FTO: variants seen among roughly 807,000 people sequenced by gnomAD.
FTO encodes the protein alpha-ketoglutarate-dependent dioxygenase FTO.
A neutral mutation model predicts 63.9 loss-of-function variants in FTO; 47 were observed. The observed-to-expected ratio is 0.74, with a 90% CI of 0.58 to 0.94. The LOEUF (loss-of-function observed/expected upper bound fraction) is 0.94, where lower values mean the gene tolerates loss of function less well. Among genes scored for constraint, FTO ranks in the 40% least tolerant of loss-of-function variants. FTO has a pLI of 0.00. For missense variants in FTO, 562 were observed against 618.1 expected, an observed-to-expected ratio of 0.91 and a Z score of 0.96; for synonymous variants, 207 against 224.4, an observed-to-expected ratio of 0.92 and a Z score of 0.69.
intron 1 of FTO, among the ~76,000 whole-genome samples, chr16:53,726,689 G>T (rs2076160206): frequency 6.6e-6 from 1 of 152,194 alleles, no homozygotes; most frequent in South Asian, 2.1e-4. Flanking sequence ...TGGACAGAAT[G>T]AGAACATTTT....
Position 53,787,395 on chromosome 16 carries a change from C to T in FTO, c.46-22745C>T, listed in dbSNP as rs12597786. On this transcript the variant is annotated intron_variant, in intron 1 of 8. Coordinates refer to ENST00000471389, the MANE Select transcript of FTO (RefSeq NM_001080432.3). ...TGATTTCGGTAGTCATAACACCACCCTGGAAGGCACCCTAGATAGAGGTCA... is the reference window on the plus strand; with the variant it reads ...TGATTTCGGTAGTCATAACACCACCTTGGAAGGCACCCTAGATAGAGGTCA... Among the ~76,000 whole-genome samples the T allele has an allele frequency of 0.037, 5,608 of 151,358 alleles. 485 individuals are homozygous for T. The East Asian group carries it at 0.4, about 11-fold the overall frequency.
At chr16:53,976,547 A>G (rs1306802095) in intron 8 of FTO, among the ~76,000 whole-genome samples, 2 of 152,068 alleles carry the variant, frequency 1.3e-5, no homozygotes, top group East Asian at 3.9e-4. Context: ...AATTTCGTTA[A>G]CTGTTTTCAT....
At chr16:53,802,856 G>C (rs1174476041) in intron 1 of FTO, among the ~76,000 whole-genome samples, 1 of 151,874 alleles carries the variant, frequency 6.6e-6, no homozygotes, top group Admixed American at 6.6e-5. Context: ...AGTGTATCTT[G>C]CCTCTCAGAT....
At chr16:53,807,951 A>G (rs138423743) in intron 1 of FTO, among the ~76,000 whole-genome samples, 11 of 152,346 alleles carry the variant, frequency 7.2e-5, no homozygotes, top group Non-Finnish European at 7.3e-5. Flanking sequence ...TGAATTATCC[A>G]AACTGGTTTG....
At chr16:54,066,327 A>T (rs556263601) in intron 8 of FTO, among the ~76,000 whole-genome samples, 2 of 152,316 alleles carry the variant, frequency 1.3e-5, no homozygotes, top group Admixed American at 1.3e-4. Flanking sequence ...GGCAGCTGAC[A>T]AGTGACACAA....
chr16:53,788,498 G>T (rs1234427195), intron 1 of FTO, among the ~76,000 whole-genome samples: 2 of 151,250 alleles, frequency 1.3e-5, no homozygotes, highest in Admixed American at 1.3e-4. Flanking sequence ...ATCTACTAAG[G>T]AGGCTGAGGC....
intron 7 of FTO, among the ~76,000 whole-genome samples, chr16:53,909,571 G>A (rs2081631448): frequency 1.2e-5 from 1 of 85,088 alleles, no homozygotes; most frequent in Non-Finnish European, 2.3e-5. Flanking sequence ...TTGAGACAGA[G>A]CCTTTTTTTT....
intron 1 of FTO, among the ~76,000 whole-genome samples, chr16:53,713,846 T>A (rs2075833869): frequency 6.6e-6 from 1 of 152,228 alleles, no homozygotes; most frequent in Admixed American, 6.5e-5. Flanking sequence ...TCATCTTGTA[T>A]AATTGAAACT....
At chr16:54,040,715 T>C (rs2192872) in intron 8 of FTO, 73,673 of 152,048 alleles carry the variant, frequency 0.48, 20,556 homozygotes, top group African/African-American at 0.77. Flanking sequence ...GAGGCTGGAA[T>C]GGGCTTAATG....
chr16:54,100,902 A>G (rs1475279021), intron 8 of FTO, among the ~76,000 whole-genome samples: 1 of 152,148 alleles, frequency 6.6e-6, no homozygotes, highest in Non-Finnish European at 1.5e-5. Flanking sequence ...GTAGCAGTAA[A>G]GGGGAAAAGG....
At chr16:53,785,592 G>A (rs2077712039) in intron 1 of FTO, among the ~76,000 whole-genome samples, 1 of 152,098 alleles carries the variant, frequency 6.6e-6, no homozygotes, top group African/African-American at 2.4e-5. Flanking sequence ...GGTGGAGAGA[G>A]AGATTTGAGG....
intron 6 of FTO, among the ~76,000 whole-genome samples, chr16:53,887,178 T>C (rs1341882263): frequency 2.6e-5 from 4 of 152,242 alleles, no homozygotes; most frequent in Non-Finnish European, 5.9e-5. Flanking sequence ...AAGGGTCAGT[T>C]GATGTCATCA....
At chr16:53,923,934 G>A (rs985207109) in intron 7 of FTO, among the ~76,000 whole-genome samples, 2 of 152,030 alleles carry the variant, frequency 1.3e-5, no homozygotes, top group African/African-American at 4.8e-5. Flanking sequence ...TCAAACAGAG[G>A]AGGCAGAGTG....
intron 8 of FTO, among the ~76,000 whole-genome samples, chr16:54,074,193 A>G (rs2085934350): frequency 6.6e-6 from 1 of 152,044 alleles, no homozygotes; most frequent in Admixed American, 6.6e-5. Context: ...ACTTATATCT[A>G]AGGTTACTTT....
chr16:53,949,324 C>CA (rs1228748752), intron 8 of FTO, among the ~76,000 whole-genome samples: 5 of 152,114 alleles, frequency 3.3e-5, no homozygotes, highest in Admixed American at 1.3e-4. Flanking sequence ...CACTGATGGT[C>CA]ACATAGAGGT....
intron 5 of FTO, among the ~76,000 whole-genome samples, chr16:53,879,536 A>G (rs1408494023): frequency 6.6e-6 from 1 of 152,042 alleles, no homozygotes; most frequent in Non-Finnish European, 1.5e-5. Context: ...ATTTAGAAAA[A>G]TTAGCTGGGC....
rs370100313 is a variant in FTO at position 54,026,443 on chromosome 16, A to G, written c.1365-85319A>G. ...ACTTCCCCAGAAGCCTTGCCCAACA[A>G]TCTCTACCTAGACTCCATTACCTAA... On this transcript the variant is annotated intron_variant, in intron 8 of 8. Transcript: ENST00000471389. 1.2e-4 allele frequency among the ~76,000 whole-genome samples: 19 copies of G among 152,288 alleles called. No homozygotes were observed. In the East Asian group the frequency reaches 3.5e-3, roughly 28 times the overall value.
chr16:53,883,648 A>T (rs1368407244), intron 6 of FTO, among the ~76,000 whole-genome samples: 1 of 150,720 alleles, frequency 6.6e-6, no homozygotes, highest in East Asian at 2.0e-4. Context: ...AAAAAAAAAA[A>T]ACAAATTTGT....
intron 8 of FTO, among the ~76,000 whole-genome samples, chr16:54,002,514 C>T (rs1262518277): frequency 6.6e-6 from 1 of 152,190 alleles, no homozygotes; most frequent in African/African-American, 2.4e-5. Flanking sequence ...CCTGCCCAAC[C>T]TTCTAGAGAA....
Sources: gnomAD v4.1 joint callset for allele counts (sites outside exome capture counted in the v4.1 genomes callset) on GRCh38, gnomAD v4.1.1 for gene constraint, MANE v1.5 for transcripts, NCBI Gene and HGNC (gene_info 2026-07-23, HGNC 2026-07-21) for gene names.